The following ADAMTS12 variants were observed in gnomAD, a reference collection of about 807,000 sequenced individuals.
ADAMTS12 encodes the protein A disintegrin and metalloproteinase with thrombospondin motifs 12.
ADAMTS12 carries 118 observed loss-of-function variants against 167.8 expected under a neutral mutation model. The observed-to-expected ratio is 0.70, with a 90% CI of 0.61 to 0.82. The LOEUF is 0.82. Among genes scored for constraint, ADAMTS12 ranks in the 40% least tolerant of loss-of-function variants. The pLI is 0.00. For synonymous variants in ADAMTS12, 704 were observed against 716.9 expected (o/e 0.98, Z 0.29); for missense variants, 1,916 against 1,998.8 (o/e 0.96, Z 0.79).
At chr5:33,537,410 G>T (rs1344866806) in intron 22 of ADAMTS12, among the ~76,000 whole-genome samples, 1 of 152,192 alleles carries the variant, frequency 6.6e-6, no homozygotes, top group Non-Finnish European at 1.5e-5. Context: ...CCCTACTGGA[G>T]GCCTGTGAGT....
At chr5:33,604,206 A>C (rs906814359) in intron 16 of ADAMTS12, among the ~76,000 whole-genome samples, 30 of 152,362 alleles carry the variant, frequency 2.0e-4, no homozygotes, top group African/African-American at 7.2e-4. Context: ...GAAAGATGTC[A>C]TAAACTAGGA....
chr5:33,582,608 T>C (rs768226644), intron 18 of ADAMTS12, among the ~76,000 whole-genome samples: 1 of 152,200 alleles, frequency 6.6e-6, no homozygotes, highest in Non-Finnish European at 1.5e-5. Flanking sequence ...AACACCCCTG[T>C]GATGAGCTTT....
intron 16 of ADAMTS12, among the ~76,000 whole-genome samples, chr5:33,601,236 T>G (rs894812629): frequency 4.6e-5 from 7 of 152,022 alleles, no homozygotes; most frequent in African/African-American, 1.7e-4. Flanking sequence ...TGGACAATCC[T>G]GCTAACCTTC....
intron 2 of ADAMTS12, among the ~76,000 whole-genome samples, chr5:33,796,863 T>C (rs866828335): frequency 6.6e-6 from 1 of 152,180 alleles, no homozygotes. Context: ...CATAAAATTA[T>C]GTGCTTTCAA....
At chr5:33,800,752 C>T (rs1290135989) in intron 2 of ADAMTS12, among the ~76,000 whole-genome samples, 1 of 152,116 alleles carries the variant, frequency 6.6e-6, no homozygotes, top group African/African-American at 2.4e-5. Context: ...TGTGCTGGAG[C>T]CCCCATGTGC....
intron 2 of ADAMTS12, among the ~76,000 whole-genome samples, chr5:33,804,610 C>G (rs1163633523): frequency 1.3e-5 from 2 of 152,232 alleles, no homozygotes; most frequent in African/African-American, 4.8e-5. Context: ...CTTCCCTCCT[C>G]AGCCTAAGAG....
intron 3 of ADAMTS12, among the ~76,000 whole-genome samples, chr5:33,734,884 C>T (rs1436463796): frequency 1.3e-5 from 2 of 152,184 alleles, no homozygotes; most frequent in Non-Finnish European, 2.9e-5. Flanking sequence ...AACTCTTTGG[C>T]TCTCAAATTT....
At chr5:33,818,940 T>C (rs1415194528) in intron 2 of ADAMTS12, among the ~76,000 whole-genome samples, 1 of 152,148 alleles carries the variant, frequency 6.6e-6, no homozygotes, top group Non-Finnish European at 1.5e-5. Context: ...ATTATTTTGT[T>C]TTCTGCTATT....
intron 6 of ADAMTS12, among the ~76,000 whole-genome samples, chr5:33,660,102 G>A (rs1462716444): frequency 6.6e-6 from 1 of 152,156 alleles, no homozygotes; most frequent in Non-Finnish European, 1.5e-5. Context: ...AGTGCTGAGG[G>A]TGGGAAATAC....
intron 3 of ADAMTS12, among the ~76,000 whole-genome samples, chr5:33,715,367 G>A (rs1200500998): frequency 1.3e-5 from 2 of 152,070 alleles, no homozygotes; most frequent in South Asian, 2.1e-4. Context: ...CAAGTTTGGG[G>A]GGACACTAAG....
intron 2 of ADAMTS12, among the ~76,000 whole-genome samples, chr5:33,836,298 C>G (rs557600091): frequency 1.3e-5 from 2 of 152,224 alleles, no homozygotes; most frequent in South Asian, 4.1e-4. Context: ...AGGTCCCAGG[C>G]AGCCCCGGAC....
At chr5:33,568,768 G>C (rs1220853629) in intron 19 of ADAMTS12, among the ~76,000 whole-genome samples, 1 of 152,260 alleles carries the variant, frequency 6.6e-6, no homozygotes, top group Admixed American at 6.5e-5. Context: ...AGCGCACCGT[G>C]CACCAGCCAA....
chr5:33,543,070 C>T (rs147374786), intron 22 of ADAMTS12, among the ~76,000 whole-genome samples: 39 of 152,136 alleles, frequency 2.6e-4, no homozygotes, highest in African/African-American at 8.4e-4. Flanking sequence ...TGAATGAATC[C>T]AGGAGCTGGT....
intron 14 of ADAMTS12, 93 bp from the exon 15 acceptor site, chr5:33,616,165 C>T: frequency 4.0e-6 from 6 of 1,508,608 alleles, no homozygotes; most frequent in Non-Finnish European, 4.4e-6. Flanking sequence ...TCTTTCCAGC[C>T]TCCCCATCAT....
At chr5:33,687,178 G>A (rs1256296614) in intron 3 of ADAMTS12, among the ~76,000 whole-genome samples, 2 of 151,850 alleles carry the variant, frequency 1.3e-5, no homozygotes, top group African/African-American at 2.4e-5. Context: ...AGTCATATAG[G>A]AGGAAATGTG....
chr5:33,629,538 G>A (rs565726717), intron 13 of ADAMTS12, among the ~76,000 whole-genome samples: 1 of 152,244 alleles, frequency 6.6e-6, no homozygotes, highest in Non-Finnish European at 1.5e-5. Flanking sequence ...AGCCAGGGAA[G>A]GCTAGGAAGA....
In ADAMTS12 at chr5:33,635,081, TAGTTTTA is replaced by T. The variant is rs539278628; in HGVS notation, c.1888+2489_1888+2495del. ...AGTAATGAGTTTTCTATTTACCGTG[TAGTTTTA>T]AGTTCTGTCTTTTGGTTAAGATGCT... On this transcript the variant is annotated intron_variant, in intron 12 of 23. Transcript: ENST00000504830. 4.4e-3 allele frequency among the ~76,000 whole-genome samples: 673 copies of T among 152,286 alleles called. 7 individuals are homozygous for T. Among genetic ancestry groups the T allele is most frequent in the African/African-American group, 0.015 (639 of 41,554 alleles).
chr5:33,747,968 T>C (rs370297277), intron 3 of ADAMTS12, among the ~76,000 whole-genome samples: 2 of 152,186 alleles, frequency 1.3e-5, no homozygotes, highest in African/African-American at 4.8e-5. Context: ...TGGATATTTG[T>C]TGAATGAATG....
chr5:33,755,583 G>A (rs934371090), intron 2 of ADAMTS12, among the ~76,000 whole-genome samples: 8 of 152,154 alleles, frequency 5.3e-5, no homozygotes, highest in African/African-American at 1.7e-4. Flanking sequence ...ATCTTATATG[G>A]AATTTGTGAA....
Sources: allele counts gnomAD v4.1 joint callset (sites outside exome capture counted in the v4.1 genomes callset), GRCh38; gene constraint gnomAD v4.1.1; transcripts MANE v1.5; gene names NCBI Gene and HGNC (gene_info 2026-07-23, HGNC 2026-07-21).